The following TNN variants were observed in gnomAD, a reference collection of about 807,000 sequenced individuals.
The protein encoded by TNN is tenascin-N.
In TNN, 122 loss-of-function variants were observed where a neutral mutation model predicts 134.4. The observed-to-expected ratio is 0.91, with a 90% CI of 0.78 to 1.06. TNN has a LOEUF of 1.06. TNN is among the 50% of genes least tolerant of loss of function. TNN has a pLI of 0.00. For synonymous variants in TNN, 710 were observed against 670.3 expected (o/e 1.06, Z -0.91); for missense variants, 1,739 against 1,699.4 (o/e 1.02, Z -0.41).
At chr1:175,084,836 T>TA (rs991941501) in intron 5 of TNN, among the ~76,000 whole-genome samples, 22 of 152,114 alleles carry the variant, frequency 1.4e-4, no homozygotes, top group South Asian at 6.2e-4. Flanking sequence ...AACTTTTTTT[T>TA]AAAAAAAGGG....
intron 9 of TNN, among the ~76,000 whole-genome samples, chr1:175,108,161 G>C (rs1015987170): frequency 7.2e-5 from 11 of 151,876 alleles, no homozygotes; most frequent in East Asian, 1.9e-4. Context: ...GTGTTGATTG[G>C]TGCACTCACA....
chr1:175,123,968 G>A (rs1261258527), intron 12 of TNN, among the ~76,000 whole-genome samples: 1 of 152,236 alleles, frequency 6.6e-6, no homozygotes, highest in Non-Finnish European at 1.5e-5. Context: ...GCAGTTGGGA[G>A]AAGACAGAGG....
chr1:175,096,358 A>C (rs1355040468), intron 7 of TNN, among the ~76,000 whole-genome samples: 1 of 152,194 alleles, frequency 6.6e-6, no homozygotes, highest in Non-Finnish European at 1.5e-5. Context: ...GTGAAGGATA[A>C]GCCAGCTCAG....
intron 15 of TNN, among the ~76,000 whole-genome samples, chr1:175,134,460 G>A (rs894856730): frequency 4.0e-5 from 6 of 151,404 alleles, no homozygotes; most frequent in Non-Finnish European, 7.4e-5. Flanking sequence ...CAGGAGAGTC[G>A]CTTGAACCCG....
At chr1:175,076,909 A>G (rs1674054416) in intron 1 of TNN, among the ~76,000 whole-genome samples, 1 of 152,232 alleles carries the variant, frequency 6.6e-6, no homozygotes, top group Non-Finnish European at 1.5e-5. Flanking sequence ...CCAACAAACA[A>G]TTGTGAGAAT....
At chr1:175,088,173 C>CCT (rs1674362243) in intron 6 of TNN, among the ~76,000 whole-genome samples, 1 of 152,132 alleles carries the variant, frequency 6.6e-6, no homozygotes, top group Non-Finnish European at 1.5e-5. Context: ...ACTGTGAGCG[C>CCT]CTCTCTCCTT....
chr1:175,109,255 A>AT (rs1446781595), intron 9 of TNN, among the ~76,000 whole-genome samples: 2 of 146,234 alleles, frequency 1.4e-5, no homozygotes, highest in African/African-American at 5.1e-5. Flanking sequence ...CGCCCGGCTA[A>AT]TTTTTTGTAT....
At chr1:175,125,863 TTTTTCTTTCTTTCTTTTC>T (rs1177539191) in intron 12 of TNN, among the ~76,000 whole-genome samples, 37 of 140,332 alleles carry the variant, frequency 2.6e-4, no homozygotes, top group African/African-American at 9.5e-4. Flanking sequence ...TTCTTTTTTC[TTTTTCTTTCTTTCTTTTC>T]TTTTTTTCTT....
chr1:175,070,781 G>C (rs1673898583), intron 1 of TNN, among the ~76,000 whole-genome samples: 1 of 152,144 alleles, frequency 6.6e-6, no homozygotes, highest in Non-Finnish European at 1.5e-5. Flanking sequence ...GGTGAAATCG[G>C]TCCCCTAAGC....
At chr1:175,116,056 T>A (rs569772910) in intron 9 of TNN, among the ~76,000 whole-genome samples, 17 of 152,264 alleles carry the variant, frequency 1.1e-4, no homozygotes, top group African/African-American at 2.2e-4. Flanking sequence ...ATTTTTTTTT[T>A]AAATGTCGTT....
Position 175,117,152 on chromosome 1 carries a change from G to A in TNN, c.2333G>A (p.Trp778Ter), listed in dbSNP as rs1675207077. 3.1e-6 allele frequency: 5 copies of A among 1,614,128 alleles called. No homozygotes were observed. Among genetic ancestry groups the A allele is most frequent in the South Asian group, 1.1e-5 (1 of 91,088 alleles). ...GGTGTGGAGTACACGGTGCACGTGT[G>A]GGCCCAGAAGGGGGCCCAGGAGAGC... ...RPGVEYTVHVWAQKGAQESKK... is the reference protein window; with the variant it reads ...RPGVEYTVHV Residue 778 changes from tryptophan (W) to a stop codon, truncating the protein, a stop_gained, in exon 10 of 19, where the codon TGG becomes TAG. Coordinates refer to ENST00000239462, the MANE Select transcript of TNN (RefSeq NM_022093.2). LOFTEE classifies it high-confidence loss of function.
chr1:175,080,255 C>CTCA lies in TNN; in HGVS notation c.878_880dup (p.Leu293_Ser294insIle). ...CTCCAGCCAGGTGGATCACTACCTCCTCAGCTACTACCCCCTGGGGAAGGA... is the reference window on the plus strand; with the variant it reads ...CTCCAGCCAGGTGGATCACTACCTCCTCATCAGCTACTACCCCCTGGGGAAGGA... On this transcript the variant is annotated inframe_insertion, in exon 4 of 19. Transcript: ENST00000239462. 6.2e-7 allele frequency: 1 copy of CTCA among 1,614,164 alleles called. No individual in the cohort carries two copies. The highest frequency in any genetic ancestry group is 8.5e-7 in the Non-Finnish European group (1 of 1,180,004).
chr1:175,130,607 A>G (rs1675652846), intron 15 of TNN, among the ~76,000 whole-genome samples: 1 of 143,958 alleles, frequency 6.9e-6, no homozygotes, highest in Non-Finnish European at 1.5e-5. Context: ...CCAAGCTCCC[A>G]CACAGAAGGA....
intron 9 of TNN, among the ~76,000 whole-genome samples, chr1:175,116,654 C>A (rs754510262): frequency 1.8e-4 from 28 of 152,198 alleles, no homozygotes; most frequent in Non-Finnish European, 3.8e-4. Flanking sequence ...TTGCTAGTAA[C>A]CTGGCTCCAA....
chr1:175,106,425 C>G (rs1284466363), intron 9 of TNN, among the ~76,000 whole-genome samples: 3 of 145,702 alleles, frequency 2.1e-5, no homozygotes, highest in African/African-American at 7.4e-5. Context: ...TCCAGGTAGT[C>G]CCCACTACGA....
In TNN at chr1:175,085,472, G is replaced by C. The variant is rs770001262; in HGVS notation, c.1302G>C (p.Pro434=). Residue 434 remains proline, a synonymous_variant, in exon 6 of 19, where the codon CCG becomes CCC. Transcript: ENST00000239462. The part of the protein sequence containing the change: ...VPMRGELEGK[P]ILLNGRTEID... ...TGAGAGGAGAGCTGGAGGGCAAGCC[G>C]ATCCTCCTGAATGGCAGGACAGGTG... 3.1e-6 allele frequency: 5 copies of C among 1,612,364 alleles called. No homozygotes were observed. The highest frequency in any genetic ancestry group is 1.6e-4 in the Middle Eastern group (1 of 6,062).
chr1:175,138,779 T>C (rs997627048), intron 17 of TNN, among the ~76,000 whole-genome samples: 1 of 152,202 alleles, frequency 6.6e-6, no homozygotes, highest in Non-Finnish European at 1.5e-5. Context: ...AGAACTGCAT[T>C]GTTAAGCATT....
intron 9 of TNN, among the ~76,000 whole-genome samples, chr1:175,108,194 G>A (rs190641008): frequency 1.3e-5 from 2 of 151,856 alleles, no homozygotes; most frequent in Non-Finnish European, 2.9e-5. Context: ...AACACAGGGT[G>A]CTGGTTGGGG....
At chr1:175,112,598 CTTTTTTTTTTTTTTTTTT>C (rs767531767) in intron 9 of TNN, among the ~76,000 whole-genome samples, 12 of 21,988 alleles carry the variant, frequency 5.5e-4, no homozygotes, top group South Asian at 4.8e-3. Flanking sequence ...GCCGGCCGAT[CTTTTTTTTTTTTTTTTTT>C]TTTTTTTTTT....
Sources: gnomAD v4.1 joint callset for allele counts (sites outside exome capture counted in the v4.1 genomes callset) on GRCh38, gnomAD v4.1.1 for gene constraint, MANE v1.5 for transcripts, NCBI Gene and HGNC (gene_info 2026-07-23, HGNC 2026-07-21) for gene names.